SYCP1: variants seen among roughly 807,000 people sequenced by gnomAD.
SYCP1 encodes the protein synaptonemal complex protein 1.
A neutral mutation model predicts 153.1 loss-of-function variants in SYCP1; 64 were observed. The ratio of observed to expected loss-of-function variants is 0.42; its 90% CI spans 0.34 to 0.51. SYCP1 has a LOEUF of 0.51. Among genes scored for constraint, SYCP1 ranks in the 20% least tolerant of loss-of-function variants. SYCP1 has a pLI of 0.06. For missense variants in SYCP1, 997 were observed against 1,049.0 expected, an observed-to-expected ratio of 0.95 and a Z score of 0.68; for synonymous variants, 384 against 341.8, an observed-to-expected ratio of 1.12 and a Z score of -1.36.
intron 20 of SYCP1, among the ~76,000 whole-genome samples, chr1:114,916,001 C>T (rs1001196547): frequency 1.3e-5 from 2 of 152,154 alleles, no homozygotes; most frequent in African/African-American, 4.8e-5. Context: ...GAGTGGGTAA[C>T]AGAATGGCAG....
intron 27 of SYCP1, among the ~76,000 whole-genome samples, chr1:114,975,313 C>A (rs765485837): frequency 3.6e-4 from 52 of 144,636 alleles, no homozygotes; most frequent in Non-Finnish European, 6.0e-4. Flanking sequence ...TACATATTTT[C>A]TTTCTTATTC....
chr1:114,893,840 G>A (rs1056951032), intron 15 of SYCP1, among the ~76,000 whole-genome samples: 24 of 152,034 alleles, frequency 1.6e-4, no homozygotes, highest in African/African-American at 5.8e-4. Context: ...TAAGCTATTT[G>A]TAACACTACC....
intron 8 of SYCP1, among the ~76,000 whole-genome samples, chr1:114,863,975 G>C (rs1256581580): frequency 6.6e-6 from 1 of 151,404 alleles, no homozygotes; most frequent in Non-Finnish European, 1.5e-5. Context: ...CCTGTTGGGG[G>C]GTGGGGGGCA....
intron 16 of SYCP1, among the ~76,000 whole-genome samples, chr1:114,900,886 A>G (rs1667399381): frequency 6.6e-6 from 1 of 152,228 alleles, no homozygotes; most frequent in Non-Finnish European, 1.5e-5. Context: ...GACCTGCATA[A>G]TTTAGTCCAC....
chr1:114,935,982 A>G (rs1368336509), intron 23 of SYCP1, among the ~76,000 whole-genome samples: 2 of 152,194 alleles, frequency 1.3e-5, no homozygotes, highest in Admixed American at 6.5e-5. Flanking sequence ...TACAAACAGA[A>G]GCTGGTACCA....
intron 27 of SYCP1, among the ~76,000 whole-genome samples, chr1:114,965,793 T>G (rs1440901613): frequency 2.0e-5 from 3 of 152,206 alleles, no homozygotes; most frequent in Non-Finnish European, 4.4e-5. Flanking sequence ...TCAGGGATAT[T>G]GGCCTGAAAT....
At chr1:114,950,483 G>T (rs1671023284) in intron 27 of SYCP1, among the ~76,000 whole-genome samples, 1 of 151,882 alleles carries the variant, frequency 6.6e-6, no homozygotes, top group Non-Finnish European at 1.5e-5. Flanking sequence ...TACAAAAAGG[G>T]TAAAAATAGC....
At chr1:114,900,435 C>T (rs1260148230) in intron 16 of SYCP1, among the ~76,000 whole-genome samples, 4 of 152,132 alleles carry the variant, frequency 2.6e-5, no homozygotes, top group East Asian at 1.9e-4. Context: ...CGCCCACCAC[C>T]ATGCCTGGCT....
intron 8 of SYCP1, among the ~76,000 whole-genome samples, chr1:114,869,512 T>C (rs1664974620): frequency 6.6e-6 from 1 of 152,198 alleles, no homozygotes; most frequent in South Asian, 2.1e-4. Flanking sequence ...TCTGTTATTG[T>C]TGGATTAAGC....
rs1280572672 is a variant in SYCP1 at position 114,867,858 on chromosome 1, A to G, written c.599-6648A>G. Among the ~76,000 whole-genome samples, 4 of 152,058 alleles carry G rather than the reference A, an allele frequency of 2.6e-5. 1 individual carries two copies. The East Asian group carries it at 5.8e-4, about 22-fold the overall frequency. On this transcript the variant is annotated intron_variant, in intron 8 of 31. Coordinates refer to ENST00000369522, the MANE Select transcript of SYCP1 (RefSeq NM_003176.4). ...TCCTGATCTTAGTGGGAAAGCTTCT[A>G]GTTTCTCACCATTAAGTATGATATT...
chr1:114,914,865 T>C (rs1448548230), intron 20 of SYCP1, among the ~76,000 whole-genome samples: 2 of 152,092 alleles, frequency 1.3e-5, no homozygotes, highest in African/African-American at 4.8e-5. Context: ...TAGATGATGG[T>C]GCAGACTAAG....
At chr1:114,977,890 T>G (rs1026965991) in intron 28 of SYCP1, among the ~76,000 whole-genome samples, 3 of 151,610 alleles carry the variant, frequency 2.0e-5, no homozygotes, top group African/African-American at 4.8e-5. Flanking sequence ...ACAATTCTTA[T>G]TATAGTTTTA....
chr1:114,899,423 C>G (rs1456252909), intron 16 of SYCP1, among the ~76,000 whole-genome samples: 1 of 152,210 alleles, frequency 6.6e-6, no homozygotes, highest in Non-Finnish European at 1.5e-5. Flanking sequence ...CCTTGATATT[C>G]ATGAACATTT....
intron 8 of SYCP1, among the ~76,000 whole-genome samples, chr1:114,873,874 G>A (rs1170697692): frequency 6.6e-5 from 10 of 152,122 alleles, no homozygotes; most frequent in Admixed American, 6.5e-4. Context: ...TGGGATTATA[G>A]GCATGTGGTA....
At chr1:114,879,338 C>T (rs1026184368) in intron 12 of SYCP1, among the ~76,000 whole-genome samples, 20 of 152,160 alleles carry the variant, frequency 1.3e-4, no homozygotes, top group African/African-American at 4.8e-4. Context: ...TTCTGCCAAT[C>T]TATACCTGCT....
In SYCP1 at chr1:114,994,777, C is replaced by T; in HGVS notation, c.2783C>T (p.Thr928Ile). ...CCAGCTTCTCATCTTTGTGTCAAAA[C>T]ACCAAAAAAGGTAGCTTTTAAATTT... ...NPPASHLCVK[T>I]PKKAPSSLTT... Residue 928 changes from threonine (T) to isoleucine (I), a missense_variant, in exon 31 of 32, where the codon ACA becomes ATA. Thr to Ile is a moderately conservative substitution (Grantham distance 89). Transcript: ENST00000369522. 6.3e-7 allele frequency: 1 copy of T among 1,588,130 alleles called. No individual in the cohort carries two copies. The highest frequency in any genetic ancestry group is 8.5e-7 in the Non-Finnish European group (1 of 1,171,882).
At chr1:114,858,744 T>C (rs1447310847) in intron 6 of SYCP1, 33 bp downstream of exon 6, 2 of 1,549,944 alleles carry the variant, frequency 1.3e-6, no homozygotes, top group African/African-American at 2.8e-5. Flanking sequence ...AAACATAGTA[T>C]AGTAAATCTA....
At position 114,926,284 on chromosome 1, in the gene SYCP1, A is replaced by C. The variant is rs765511373; in HGVS notation, c.1807A>C (p.Asn603His). 6.6e-7 allele frequency: 1 copy of C among 1,524,342 alleles called. No individual in the cohort carries two copies. The highest frequency in any genetic ancestry group is 8.8e-7 in the Non-Finnish European group (1 of 1,131,498). 94.4% of individuals were successfully genotyped at this position (1,524,342 alleles called of 1,614,324 possible). A position where few individuals can be genotyped will look rare whatever the true frequency, so the allele number is the denominator to read the frequency against. Residue 603 changes from asparagine to histidine, a missense_variant, in exon 22 of 32, where the codon AAT becomes CAT. Around this residue, in one of 2 missense-constraint regions of SYCP1, gnomAD observed 712 missense variants for 682.9 expected, o/e 1.04. Coordinates refer to ENST00000369522, the MANE Select transcript of SYCP1 (RefSeq NM_003176.4). ...KLDKSEENCN[N>H]LRKQVENKNK... Reference sequence around the variant, plus strand: ...ATTTCTCACAATTTTTTAGTGTAACAATTTAAGGAAACAAGTTGAAAATAA... The same window carrying C: ...ATTTCTCACAATTTTTTAGTGTAACCATTTAAGGAAACAAGTTGAAAATAA...
chr1:114,962,646 C>T (rs1415069817), intron 27 of SYCP1, among the ~76,000 whole-genome samples: 1 of 152,118 alleles, frequency 6.6e-6, no homozygotes, highest in East Asian at 1.9e-4. Flanking sequence ...TTAAGTGGAG[C>T]ATTTAGGCCA....
Sources: gnomAD v4.1 joint callset for allele counts (sites outside exome capture counted in the v4.1 genomes callset) on GRCh38, gnomAD v4.1.1 for gene constraint, gnomAD v4.1.1 regional missense constraint, MANE v1.5 for transcripts, NCBI Gene and HGNC (gene_info 2026-07-23, HGNC 2026-07-21) for gene names.